PXDNL: variants seen among roughly 807,000 people sequenced by gnomAD.
PXDNL encodes the protein peroxidasin like, also known as probable oxidoreductase PXDNL.
A neutral mutation model predicts 150.8 loss-of-function variants in PXDNL; 145 were observed. That is an observed-to-expected ratio of 0.96 (90% CI 0.84 to 1.10). The LOEUF (loss-of-function observed/expected upper bound fraction) is 1.10. Among genes scored for constraint, PXDNL ranks in the 50% least tolerant of loss-of-function variants. The pLI is 0.00. For synonymous variants in PXDNL, 757 were observed against 725.7 expected (o/e 1.04, Z -0.69); for missense variants, 2,087 against 1,873.9 (o/e 1.11, Z -2.10).
intron 3 of PXDNL, among the ~76,000 whole-genome samples, chr8:51,571,391 A>G (rs1812942084): frequency 6.6e-6 from 1 of 151,906 alleles, no homozygotes; most frequent in Non-Finnish European, 1.5e-5. Flanking sequence ...ATATGTATGG[A>G]AAATAAATAA....
intron 17 of PXDNL, among the ~76,000 whole-genome samples, chr8:51,379,898 CTGAA>C (rs1001902029): frequency 1.3e-5 from 2 of 152,176 alleles, no homozygotes; most frequent in African/African-American, 4.8e-5. Context: ...GCACCACTTA[CTGAA>C]TATGTCCTCA....
intron 1 of PXDNL, among the ~76,000 whole-genome samples, chr8:51,783,439 A>G (rs1361898315): frequency 2.0e-5 from 3 of 152,224 alleles, no homozygotes; most frequent in Non-Finnish European, 4.4e-5. Flanking sequence ...AAATTGAATA[A>G]CTTATCCCAG....
chr8:51,354,902 A>G (rs987924174), intron 19 of PXDNL, among the ~76,000 whole-genome samples: 2 of 152,106 alleles, frequency 1.3e-5, no homozygotes, highest in Non-Finnish European at 2.9e-5. Context: ...TTGATTAATC[A>G]TCTATATCAC....
rs971626774 is a variant in PXDNL, at chr8:51,339,520, T to C, written c.4146+104A>G. ...CAACTCCCTGTATAGGTTTTTATTA[T>C]TCTGATACTGTGCTGTAATTGTGGA... is the stretch of plus-strand genomic sequence containing the variant. On this transcript the variant is annotated intron_variant, in intron 21 of 22. Transcript: ENST00000356297. The C allele has an allele frequency of 5.8e-6, 7 of 1,200,348 alleles. No homozygotes were observed. In the East Asian group the frequency reaches 9.7e-5, roughly 17 times the overall value. 74.4% of individuals were successfully genotyped at this position (1,200,348 alleles called of 1,614,324 possible).
chr8:51,592,626 C>G lies in PXDNL; in HGVS notation c.308+1G>C. Reference sequence around the variant, plus strand: ...CATTGTTGTTTTTTCTTATAACTTACAGATATAGCAAATTTTCAAGTCCTT... The same window carrying G: ...CATTGTTGTTTTTTCTTATAACTTAGAGATATAGCAAATTTTCAAGTCCTT... On this transcript the variant is annotated splice_donor_variant, in intron 3 of 22. Coordinates refer to ENST00000356297, the MANE Select transcript of PXDNL (RefSeq NM_144651.5). LOFTEE classifies it high-confidence loss of function. The G allele has an allele frequency of 6.5e-7, 1 of 1,539,622 alleles. No individual in the cohort carries two copies. Among genetic ancestry groups the G allele is most frequent in the East Asian group, 2.5e-5 (1 of 40,502 alleles).
intron 1 of PXDNL, among the ~76,000 whole-genome samples, chr8:51,725,214 T>G (rs185947418): frequency 3.9e-4 from 59 of 152,304 alleles, no homozygotes; most frequent in Admixed American, 2.5e-3. Flanking sequence ...CCATAAATAT[T>G]TGTTGACAAT....
chr8:51,396,453 AT>A (rs1167709696), intron 17 of PXDNL, among the ~76,000 whole-genome samples: 2 of 152,218 alleles, frequency 1.3e-5, no homozygotes, highest in Non-Finnish European at 2.9e-5. Context: ...AGAAACATCA[AT>A]CTGGGATTTA....
At position 51,666,965 on chromosome 8, in the gene PXDNL, C is replaced by T. The variant is rs1208737724; in HGVS notation, c.165-12205G>A. ...GTGTTCTGAGACCCACCCCGATTTT[C>T]TGTTTCCCTCCCTTAGGCTTGCCTC... On this transcript the variant is annotated intron_variant, in intron 1 of 22. Coordinates refer to ENST00000356297, the MANE Select transcript of PXDNL (RefSeq NM_144651.5). 4.6e-5 allele frequency among the ~76,000 whole-genome samples: 7 copies of T among 152,284 alleles called. No individual in the cohort carries two copies. In the South Asian group the frequency reaches 1.0e-3, roughly 23 times the overall value.
intron 1 of PXDNL, among the ~76,000 whole-genome samples, chr8:51,678,091 A>C (rs897906669): frequency 6.6e-6 from 1 of 152,240 alleles, no homozygotes; most frequent in African/African-American, 2.4e-5. Flanking sequence ...GTGTATGAAG[A>C]AGGATATCTT....
rs1232456211 is a variant in PXDNL, at chr8:51,371,896, C to T, written c.3878G>A (p.Arg1293Gln). The T allele has an allele frequency of 1.4e-5, 22 of 1,613,904 alleles. No homozygotes were observed. Among genetic ancestry groups the T allele is most frequent in the East Asian group, 8.9e-5 (4 of 44,892 alleles). ...NCSEIPKVDL[R>Q]VWQDCCADCR... The stretch of plus-strand genomic sequence containing the variant: ...ACCTGCACAGCAGTCTTGCCACACT[C>T]GCAGGTCCACCTTCGGGATCTCGCT... Residue 1293 changes from arginine (R) to glutamine (Q), a missense_variant, in exon 19 of 23, where the codon CGA (arginine) becomes CAA (glutamine). Coordinates refer to ENST00000356297, the MANE Select transcript of PXDNL (RefSeq NM_144651.5).
intron 1 of PXDNL, among the ~76,000 whole-genome samples, chr8:51,779,769 TAGC>T (rs1204753070): frequency 6.6e-6 from 1 of 152,204 alleles, no homozygotes; most frequent in African/African-American, 2.4e-5. Context: ...GTGACAATGA[TAGC>T]AGCACAACTT....
rs1185813943 is a variant in PXDNL, at chr8:51,332,927, G to A, written c.4146+6697C>T. Among the ~76,000 whole-genome samples the A allele has an allele frequency of 7.2e-5, 11 of 152,264 alleles. No individual in the cohort carries two copies. The East Asian group carries it at 1.3e-3, about 19-fold the overall frequency. On this transcript the variant is annotated intron_variant, in intron 21 of 22. Transcript: ENST00000356297. ...GGAAAACATGTTTGGGGGAATAATC[G>A]AGGAAAACTTCCCCAGCCTTGCCAG... is the stretch of plus-strand genomic sequence containing the variant.
chr8:51,408,830 G>C lies in PXDNL; in HGVS notation c.2794C>G (p.Pro932Ala). 2 of 1,572,746 alleles carry C rather than the reference G, an allele frequency of 1.3e-6. No individual in the cohort carries two copies. The highest frequency in any genetic ancestry group is 8.6e-7 in the Non-Finnish European group (1 of 1,160,264). ...TGFPWPPSGKPLLPFSTGPPT... is the reference protein window; with the variant it reads ...TGFPWPPSGKALLPFSTGPPT... ...GGGCCTGTAGAAAAGGGCAATAAGG[G>C]CTTTCCGGAGGGAGGCCAAGGAAAG... Residue 932 changes from proline to alanine, a missense_variant, in exon 17 of 23, where the codon CCC becomes GCC. Pro to Ala is a conservative substitution (Grantham distance 27). Coordinates refer to ENST00000356297, the MANE Select transcript of PXDNL (RefSeq NM_144651.5).
intron 2 of PXDNL, among the ~76,000 whole-genome samples, chr8:51,625,591 A>G (rs752582284): frequency 3.3e-5 from 5 of 152,226 alleles, no homozygotes; most frequent in African/African-American, 1.2e-4. Flanking sequence ...ATTTCTTGCC[A>G]TGGTCTGGAG....
Position 51,364,586 on chromosome 8 carries a change from A to G in PXDNL, c.3901+7287T>C, listed in dbSNP as rs186035402. ...GGGGTATACTTTTATTTTGTGAAAG[A>G]TATTGAAGCCAGCCTTATATACATA... is the stretch of plus-strand genomic sequence containing the variant. On this transcript the variant is annotated intron_variant, in intron 19 of 22. Coordinates refer to ENST00000356297, the MANE Select transcript of PXDNL (RefSeq NM_144651.5). Among the ~76,000 whole-genome samples the G allele has an allele frequency of 4.6e-5, 7 of 152,314 alleles. No individual in the cohort carries two copies. In the East Asian group the frequency reaches 1.3e-3, roughly 29 times the overall value.
intron 5 of PXDNL, 147 bp downstream of exon 5, chr8:51,499,552 A>G (rs1356892359): frequency 1.7e-6 from 1 of 577,578 alleles, no homozygotes; most frequent in African/African-American, 1.9e-5. Flanking sequence ...AGAAAGCTTT[A>G]TATTAACTCT....
intron 1 of PXDNL, among the ~76,000 whole-genome samples, chr8:51,696,428 C>T (rs911205617): frequency 1.3e-5 from 2 of 152,194 alleles, no homozygotes; most frequent in African/African-American, 4.8e-5. Context: ...AAACTCCCAG[C>T]CTCCAGAACG....
intron 17 of PXDNL, among the ~76,000 whole-genome samples, chr8:51,375,044 A>AGT (rs1051347785): frequency 6.6e-6 from 1 of 151,954 alleles, no homozygotes; most frequent in Non-Finnish European, 1.5e-5. Flanking sequence ...TATATATGCA[A>AGT]GTGTGTGTGT....
intron 4 of PXDNL, among the ~76,000 whole-genome samples, chr8:51,549,164 C>T (rs542282154): frequency 2.6e-5 from 4 of 152,100 alleles, no homozygotes; most frequent in South Asian, 2.1e-4. Context: ...AACACTGGAG[C>T]TCCAAAATTT....
Sources: allele counts gnomAD v4.1 joint callset (sites outside exome capture counted in the v4.1 genomes callset), GRCh38; gene constraint gnomAD v4.1.1; transcripts MANE v1.5; gene names NCBI Gene and HGNC (gene_info 2026-07-23, HGNC 2026-07-21).